GSG1: variants seen among roughly 807,000 people sequenced by gnomAD.
The protein encoded by GSG1 is germ cell-specific gene 1 protein.
Under a neutral mutation model 30.8 loss-of-function variants are expected in GSG1, and 28 were observed. The ratio of observed to expected loss-of-function variants is 0.91; its 90% confidence interval spans 0.67 to 1.25. The LOEUF is 1.25. Among genes scored for constraint, GSG1 ranks in the 50% most tolerant of loss-of-function variants. The pLI, the probability that GSG1 is intolerant of heterozygous loss-of-function variation, is 0.00. For missense variants in GSG1, 435 were observed against 444.7 expected, an observed-to-expected ratio of 0.98 and a Z score of 0.20; for synonymous variants, 162 against 178.0, an observed-to-expected ratio of 0.91 and a Z score of 0.71.
intron 1 of GSG1, among the ~76,000 whole-genome samples, chr12:13,092,007 A>G (rs535074102): frequency 2.0e-5 from 3 of 152,214 alleles, no homozygotes; most frequent in Non-Finnish European, 2.9e-5. Context: ...CACAGATCCA[A>G]CTACAGAAAA....
chr12:13,099,662 C>T (rs771247941), intron 1 of GSG1, among the ~76,000 whole-genome samples: 1 of 151,170 alleles, frequency 6.6e-6, no homozygotes, highest in Non-Finnish European at 1.5e-5. Flanking sequence ...AAATGACAAG[C>T]GTGAATGCTG....
chr12:13,084,925 T>G lies in GSG1; in HGVS notation c.1065A>C (p.Ser355=). Residue 355 remains serine (S), a synonymous_variant, in exon 7 of 7, where the codon TCA becomes TCC. Transcript: ENST00000651961. ...ASQELKEAVR[S]SVEEEQC ...CCTAACACTGCTCTTCCTCTACAGA[T>G]GACCTAACTGCTTCTTTCAGCTCCT... 6.4e-7 allele frequency: 1 copy of G among 1,551,172 alleles called. No homozygotes were observed. The highest frequency in any genetic ancestry group is 2.4e-5 in the East Asian group (1 of 40,920).
chr12:13,095,546 A>G (rs1247155713), intron 1 of GSG1: 4 of 1,549,928 alleles, frequency 2.6e-6, no homozygotes, highest in Non-Finnish European at 3.6e-6. Flanking sequence ...AGAGCCAGGT[A>G]CAAAATAGCT....
chr12:13,099,750 G>GTTTTTTTTTTT lies in GSG1; in HGVS notation c.48+3704_48+3714dup, dbSNP rs57762367. 5.3e-3 allele frequency among the ~76,000 whole-genome samples: 603 copies of GTTTTTTTTTTT among 114,734 alleles called. 1 individual carries two copies. Among genetic ancestry groups the GTTTTTTTTTTT allele is most frequent in the Non-Finnish European group, 8.3e-3 (458 of 55,492 alleles). The allele number at this position is 114,734 out of a possible 152,430, so 75.3% of individuals were successfully genotyped here. A position where few individuals can be genotyped will look rare whatever the true frequency, so the allele number is the denominator to read the frequency against. On this transcript the variant is annotated intron_variant, in intron 1 of 6. Coordinates refer to ENST00000651961, the MANE Select transcript of GSG1 (RefSeq NM_001080555.4). ...GCTAAGGGATCCGGTGTTTTTTTTT[G>GTTTTTTTTTTT]TTTTTTTTTTTTTTTTTTGTTTTTT...
intron 1 of GSG1, among the ~76,000 whole-genome samples, chr12:13,091,312 G>T (rs1866115295): frequency 6.6e-6 from 1 of 152,202 alleles, no homozygotes; most frequent in Non-Finnish European, 1.5e-5. Flanking sequence ...CCATTCCAGA[G>T]AGGGTCCTGC....
Position 13,101,127 on chromosome 12 carries a change from G to C in GSG1, c.48+2338C>G, listed in dbSNP as rs1863160919. 2.0e-5 allele frequency among the ~76,000 whole-genome samples: 3 copies of C among 152,170 alleles called. No individual in the cohort carries two copies. The South Asian group carries it at 6.2e-4, about 31-fold the overall frequency. On this transcript the variant is annotated intron_variant, in intron 1 of 6. Transcript: ENST00000651961. The surrounding 1 kb of genome is among the most constrained non-coding windows in gnomAD (Gnocchi z 5.8). ...TCCTGTGGGGCAATCGCTCACGCGC[G>C]GGTGACGGCGCCAGCAGGCCGGCTG...
chr12:13,087,338 C>T, intron 5 of GSG1, 75 bp from the exon 6 acceptor site: 2 of 1,142,690 alleles, frequency 1.8e-6, no homozygotes, highest in African/African-American at 1.5e-5. Context: ...GATTTTGGAT[C>T]ACCCTTCTTG....
intron 3 of GSG1, 90 bp from the exon 4 acceptor site, chr12:13,088,999 T>C: frequency 6.7e-7 from 1 of 1,497,442 alleles, no homozygotes; most frequent in Non-Finnish European, 9.2e-7. Flanking sequence ...TACTGCTCCC[T>C]CTGCTCTGAC....
At chr12:13,098,164 A>AT (rs1379064156) in intron 1 of GSG1, among the ~76,000 whole-genome samples, 2 of 148,928 alleles carry the variant, frequency 1.3e-5, no homozygotes, top group Non-Finnish European at 3.0e-5. Context: ...TTACGGTTGC[A>AT]TTGGCGGTTG....
chr12:13,088,128 A>G, intron 4 of GSG1, 69 bp from the exon 5 acceptor site: 1 of 1,568,280 alleles, frequency 6.4e-7, no homozygotes, highest in Non-Finnish European at 8.7e-7. Flanking sequence ...CGGTGAGCAT[A>G]GGATGCCTAT....
At chr12:13,094,412 C>T (rs1385629687) in intron 1 of GSG1, among the ~76,000 whole-genome samples, 1 of 152,180 alleles carries the variant, frequency 6.6e-6, no homozygotes, top group East Asian at 1.9e-4. Flanking sequence ...ATTAACTCTG[C>T]CAAGAATTGT....
In GSG1 at chr12:13,085,251, C is replaced by A; in HGVS notation, c.747-8G>T. 1 of 1,583,250 alleles carries A rather than the reference C, an allele frequency of 6.3e-7. No homozygotes were observed. The highest frequency in any genetic ancestry group is 1.2e-5 in the South Asian group (1 of 86,276). Reference sequence around the variant, plus strand: ...AAGGAGAGCCAGGCCATGCTAGGGACAAATGCACAAAAAGATTGGACAGTA... The same window carrying A: ...AAGGAGAGCCAGGCCATGCTAGGGAAAAATGCACAAAAAGATTGGACAGTA... On this transcript the variant is annotated splice_region_variant and splice_polypyrimidine_tract_variant and intron_variant, in intron 6 of 6. Transcript: ENST00000651961.
In GSG1 at chr12:13,101,491, G is replaced by T. The variant is rs997670656; in HGVS notation, c.48+1974C>A. Among the ~76,000 whole-genome samples the T allele has an allele frequency of 6.6e-6, 1 of 152,240 alleles. No homozygotes were observed. The highest frequency in any genetic ancestry group is 1.5e-5 in the Non-Finnish European group (1 of 68,044). On this transcript the variant is annotated intron_variant, in intron 1 of 6. Coordinates refer to ENST00000651961, the MANE Select transcript of GSG1 (RefSeq NM_001080555.4). The surrounding 1 kb of genome is among the most constrained non-coding windows in gnomAD (Gnocchi z 5.8). ...GAACGGTGTCCCGGGGGCCCTCCCA[G>T]AGAGCAGGGACTGCCAGGGCAGGCC...
Position 13,085,033 on chromosome 12 carries a change from A to T in GSG1, c.957T>A (p.His319Gln). 6.3e-7 allele frequency: 1 copy of T among 1,579,410 alleles called. No individual in the cohort carries two copies. Among genetic ancestry groups the T allele is most frequent in the Non-Finnish European group, 8.6e-7 (1 of 1,162,006 alleles). The change falls in exon 7 of 7, where the codon CAT becomes CAA. Residue 319 changes from histidine to glutamine, a missense_variant. Coordinates refer to ENST00000651961, the MANE Select transcript of GSG1 (RefSeq NM_001080555.4). Reference sequence around the variant, plus strand: ...CAGAGACAGAGTGGATGGGCTGATTATGATACTGGTGGTAGCTGGTCAAAG... The same window carrying T: ...CAGAGACAGAGTGGATGGGCTGATTTTGATACTGGTGGTAGCTGGTCAAAG... ...VGPLTSYHQY[H>Q]NQPIHSVSEG...
At chr12:13,087,085 G>A in intron 6 of GSG1, 67 bp downstream of exon 6, 1 of 1,057,212 alleles carries the variant, frequency 9.5e-7, no homozygotes, top group South Asian at 1.3e-5. Context: ...TAAGCATCTA[G>A]CTGAGGGCAG....
rs553031305 is a variant in GSG1, at chr12:13,101,570, G to A, written c.48+1895C>T. On this transcript the variant is annotated intron_variant, in intron 1 of 6. Transcript: ENST00000651961. This position sits in a 1 kb window ranked among gnomAD's most constrained non-coding sequence, Gnocchi z 5.8. ...GCCACATGTGTCCCGGAGCTGGGCC[G>A]GGGCGCTAGGCCACCTGAGGCGCGT... Among the ~76,000 whole-genome samples, 15 of 152,228 alleles carry A rather than the reference G, an allele frequency of 9.9e-5. No homozygotes were observed. Among genetic ancestry groups the A allele is most frequent in the East Asian group, 1.9e-4 (1 of 5,172 alleles).
Position 13,085,064 on chromosome 12 carries a change from A to G in GSG1, c.926T>C (p.Val309Ala), listed in dbSNP as rs1016683599. 23 of 1,607,082 alleles carry G rather than the reference A, an allele frequency of 1.4e-5. No individual in the cohort carries two copies. The highest frequency in any genetic ancestry group is 4.5e-5 in the East Asian group (2 of 44,658). The change falls in exon 7 of 7, where the codon GTG (valine) becomes GCG (alanine). Residue 309 changes from valine (V) to alanine (A), a missense_variant. Transcript: ENST00000651961. ...CTGGTGGTAGCTGGTCAAAGGACCC[A>G]CGGTGGGGGCTGCACTTGACAGCCG... ...PRRLSSAAPT[V>A]GPLTSYHQYH...
intron 6 of GSG1, 88 bp downstream of exon 6, chr12:13,087,064 G>GC (rs989874236): frequency 1.2e-6 from 1 of 809,740 alleles, no homozygotes; most frequent in African/African-American, 1.7e-5. Flanking sequence ...AGAAGGCAGG[G>GC]CTTCACCGAA....
chr12:13,099,885 C>T (rs1419889950), intron 1 of GSG1, among the ~76,000 whole-genome samples: 1 of 151,756 alleles, frequency 6.6e-6, no homozygotes, highest in Non-Finnish European at 1.5e-5. Flanking sequence ...GCCATTAGCT[C>T]CTTTCTGTTA....
Sources: gnomAD v4.1 joint callset for allele counts (sites outside exome capture counted in the v4.1 genomes callset) on GRCh38, gnomAD v4.1.1 for gene constraint, Gnocchi (gnomAD v3.1) non-coding constraint, MANE v1.5 for transcripts, NCBI Gene and HGNC (gene_info 2026-07-23, HGNC 2026-07-21) for gene names.